The following CLEC11A variants were observed in gnomAD, a reference collection of about 807,000 sequenced individuals.
CLEC11A encodes C-type lectin domain containing 11A.
CLEC11A carries 35 observed loss-of-function variants against 33.9 expected under a neutral mutation model. The ratio of observed to expected loss-of-function variants is 1.03; its 90% CI spans 0.79 to 1.37. The LOEUF (loss-of-function observed/expected upper bound fraction) is 1.37. CLEC11A is among the 40% of genes most tolerant of loss of function. The pLI is 0.00. For synonymous variants in CLEC11A, 220 were observed against 202.2 expected (o/e 1.09, Z -0.75); for missense variants, 519 against 455.5 (o/e 1.14, Z -1.27).
chr19:50,725,664 G>A lies in CLEC11A; in HGVS notation c.*197G>A. Reference sequence around the variant, plus strand: ...GTTAGTGTCTTTCCTTGAAGGGGCGGGCACCAGGCTAGGTCCGGTGCCAAT... The same window carrying A: ...GTTAGTGTCTTTCCTTGAAGGGGCGAGCACCAGGCTAGGTCCGGTGCCAAT... On this transcript the variant is annotated 3_prime_UTR_variant, in exon 4 of 4. Coordinates refer to ENST00000250340, the MANE Select transcript of CLEC11A (RefSeq NM_002975.3). 2 of 1,009,620 alleles carry A rather than the reference G, an allele frequency of 2.0e-6. No homozygotes were observed. Among genetic ancestry groups the A allele is most frequent in the Non-Finnish European group, 2.8e-6 (2 of 713,514 alleles). The allele number at this position is 1,009,620 out of a possible 1,614,324, so 62.5% of individuals were successfully genotyped here.
At position 50,723,874 on chromosome 19, in the gene CLEC11A, G is replaced by C. The variant is rs1273393959; in HGVS notation, c.148-31G>C. ...GGTGAATGGGGCATCTTGGTGGCAGGCTGGGGCTCACCACCCCTCCCCTGC... is the reference window on the plus strand; with the variant it reads ...GGTGAATGGGGCATCTTGGTGGCAGCCTGGGGCTCACCACCCCTCCCCTGC... On this transcript the variant is annotated intron_variant, in intron 1 of 3. Coordinates refer to ENST00000250340, the MANE Select transcript of CLEC11A (RefSeq NM_002975.3). This position sits in a 1 kb window ranked among gnomAD's most constrained non-coding sequence, Gnocchi z 4.1. The C allele has an allele frequency of 6.3e-7, 1 of 1,592,848 alleles. No individual in the cohort carries two copies. Among genetic ancestry groups the C allele is most frequent in the African/African-American group, 1.4e-5 (1 of 73,944 alleles).
chr19:50,723,449 C>T lies in CLEC11A; in HGVS notation c.-77C>T, dbSNP rs1346337774. ...GACCTGCACACAGGGCAGGGGCACT[C>T]GGCAGTTCCCAGAGGCCACCCCTCC... On this transcript the variant is annotated 5_prime_UTR_variant, in exon 1 of 4. Coordinates refer to ENST00000250340, the MANE Select transcript of CLEC11A (RefSeq NM_002975.3). The surrounding 1 kb of genome is among the most constrained non-coding windows in gnomAD (Gnocchi z 4.1). 9 of 1,525,212 alleles carry T rather than the reference C, an allele frequency of 5.9e-6. No individual in the cohort carries two copies. In the East Asian group the frequency reaches 1.4e-4, roughly 23 times the overall value. The allele number at this position is 1,525,212 out of a possible 1,614,324, so 94.5% of individuals were successfully genotyped here.
At position 50,724,300 on chromosome 19, in the gene CLEC11A, C is replaced by T; in HGVS notation, c.335-110C>T. The T allele has an allele frequency of 8.5e-7, 1 of 1,170,170 alleles. No homozygotes were observed. The highest frequency in any genetic ancestry group is 1.2e-6 in the Non-Finnish European group (1 of 859,346). The allele number at this position is 1,170,170 out of a possible 1,614,324, so 72.5% of individuals were successfully genotyped here. A position where few individuals can be genotyped will look rare whatever the true frequency, so the allele number is the denominator to read the frequency against. On this transcript the variant is annotated intron_variant, in intron 2 of 3. Coordinates refer to ENST00000250340, the MANE Select transcript of CLEC11A (RefSeq NM_002975.3). This position sits in a 1 kb window ranked among gnomAD's most constrained non-coding sequence, Gnocchi z 4.1. ...ACCTTCCAGGAGTCCGGGGTGCCCC[C>T]CCCACCGCCACCCCGCCCTCAGGAG...
Position 50,724,607 on chromosome 19 carries a change from TC to T in CLEC11A, c.526+8del. The T allele has an allele frequency of 7.2e-7, 1 of 1,395,008 alleles. No individual in the cohort carries two copies. Among genetic ancestry groups the T allele is most frequent in the Non-Finnish European group, 9.3e-7 (1 of 1,078,590 alleles). 86.4% of individuals were successfully genotyped at this position (1,395,008 alleles called of 1,614,324 possible). ...CGAGCACGGCCGCTTGGAGGGTGAG[TC>T]CGCGGCGCGCGGGGTGGAAAAAAAT... On this transcript the variant is annotated splice_region_variant and intron_variant, in intron 3 of 3. Coordinates refer to ENST00000250340, the MANE Select transcript of CLEC11A (RefSeq NM_002975.3). The surrounding 1 kb of genome is among the most constrained non-coding windows in gnomAD (Gnocchi z 4.1).
In CLEC11A at chr19:50,725,205, C is replaced by T. The variant is rs2089176924; in HGVS notation, c.710C>T (p.Pro237Leu). ...LRAALAPYNWPVWLGVHDRRA... is the reference protein window; with the variant it reads ...LRAALAPYNWLVWLGVHDRRA... ...GCGGCGCTCGCTCCCTACAACTGGCCCGTGTGGCTGGGCGTGCACGATCGG... is the reference window on the plus strand; with the variant it reads ...GCGGCGCTCGCTCCCTACAACTGGCTCGTGTGGCTGGGCGTGCACGATCGG... The change falls in exon 4 of 4, where the codon CCC becomes CTC. Residue 237 changes from proline (P) to leucine (L), a missense_variant. Physicochemically the swap from Pro to Leu is moderately conservative, Grantham distance 98. Transcript: ENST00000250340. 3.1e-6 allele frequency: 5 copies of T among 1,593,746 alleles called. No homozygotes were observed. The South Asian group carries it at 3.4e-5, about 11-fold the overall frequency.
chr19:50,725,512 T>A lies in CLEC11A; in HGVS notation c.*45T>A. On this transcript the variant is annotated 3_prime_UTR_variant, in exon 4 of 4. Coordinates refer to ENST00000250340, the MANE Select transcript of CLEC11A (RefSeq NM_002975.3). ...CCCTGCCCATCCCACCACCCGGCCT[T>A]TCCCTGCGCCGTGCCCACCCTCCTC... 1 of 1,501,052 alleles carries A rather than the reference T, an allele frequency of 6.7e-7. No individual in the cohort carries two copies. Among genetic ancestry groups the A allele is most frequent in the African/African-American group, 1.4e-5 (1 of 71,848 alleles). 93.0% of individuals were successfully genotyped at this position (1,501,052 alleles called of 1,614,324 possible).
At position 50,724,893 on chromosome 19, in the gene CLEC11A, C is replaced by T; in HGVS notation, c.527-129C>T. The T allele has an allele frequency of 7.1e-7, 1 of 1,409,834 alleles. No homozygotes were observed. 87.3% of individuals were successfully genotyped at this position (1,409,834 alleles called of 1,614,324 possible). A position where few individuals can be genotyped will look rare whatever the true frequency, so the allele number is the denominator to read the frequency against. On this transcript the variant is annotated intron_variant, in intron 3 of 3. Transcript: ENST00000250340. The surrounding 1 kb of genome is among the most constrained non-coding windows in gnomAD (Gnocchi z 4.1). ...CTCCTGGCTCCCGCGGTTCTGACCACGCCTCCTCCCAGCCCTCCCCATGAG... is the reference window on the plus strand; with the variant it reads ...CTCCTGGCTCCCGCGGTTCTGACCATGCCTCCTCCCAGCCCTCCCCATGAG...
chr19:50,724,495 C>G lies in CLEC11A; in HGVS notation c.420C>G (p.Thr140=). Residue 140 remains threonine, a synonymous_variant, in exon 3 of 4, where the codon ACC becomes ACG. Transcript: ENST00000250340. The surrounding 1 kb of genome is among the most constrained non-coding windows in gnomAD (Gnocchi z 4.1). ...HALDTRVVEL[T]QGLRQLRNAA... is the part of the protein sequence containing the mutation. ...TGGACACCCGCGTGGTCGAGCTGAC[C>G]CAGGGGCTGCGGCAGCTGCGGAACG... 1 of 1,576,700 alleles carries G rather than the reference C, an allele frequency of 6.3e-7. No homozygotes were observed. The highest frequency in any genetic ancestry group is 8.6e-7 in the Non-Finnish European group (1 of 1,169,264).
At position 50,723,575 on chromosome 19, in the gene CLEC11A, G is replaced by C. The variant is rs1373641683; in HGVS notation, c.50G>C (p.Gly17Ala). ...LGALVVPQLL[G>A]FGHGARGAER... is the part of the protein sequence containing the mutation. The stretch of plus-strand genomic sequence containing the variant: ...GCTTTGGTGGTCCCCCAGCTCTTGG[G>C]CTTTGGCCATGGGGCTCGGGGAGCA... Residue 17 changes from glycine to alanine, a missense_variant, in exon 1 of 4, where the codon GGC becomes GCC. By Grantham distance (60) the Gly-to-Ala change is moderately conservative (BLOSUM62 0). Transcript: ENST00000250340. The surrounding 1 kb of genome is among the most constrained non-coding windows in gnomAD (Gnocchi z 4.1). 1.9e-6 allele frequency: 3 copies of C among 1,612,360 alleles called. No individual in the cohort carries two copies. The Admixed American group carries it at 5.0e-5, about 27-fold the overall frequency.
chr19:50,725,653 T>G lies in CLEC11A; in HGVS notation c.*186T>G. ...CACTCCTCCTTGTTAGTGTCTTTCC[T>G]TGAAGGGGCGGGCACCAGGCTAGGT... On this transcript the variant is annotated 3_prime_UTR_variant, in exon 4 of 4. Transcript: ENST00000250340. 9.0e-7 allele frequency: 1 copy of G among 1,113,240 alleles called. No homozygotes were observed. The highest frequency in any genetic ancestry group is 1.2e-6 in the Non-Finnish European group (1 of 807,542). The allele number at this position is 1,113,240 out of a possible 1,614,324, so 69.0% of individuals were successfully genotyped here.
Position 50,723,716 on chromosome 19 carries a change from G to T in CLEC11A, c.147+44G>T. On this transcript the variant is annotated intron_variant, in intron 1 of 3. Coordinates refer to ENST00000250340, the MANE Select transcript of CLEC11A (RefSeq NM_002975.3). This position sits in a 1 kb window ranked among gnomAD's most constrained non-coding sequence, Gnocchi z 4.1. ...GGGAGCTATGGGTGGTGAACTGTGG[G>T]TCTGGGAGGGGGTATTGCAAGGTTA... 1 of 1,539,120 alleles carries T rather than the reference G, an allele frequency of 6.5e-7. No homozygotes were observed.
In CLEC11A at chr19:50,724,972, G is replaced by A; in HGVS notation, c.527-50G>A. On this transcript the variant is annotated intron_variant, in intron 3 of 3. Coordinates refer to ENST00000250340, the MANE Select transcript of CLEC11A (RefSeq NM_002975.3). This position sits in a 1 kb window ranked among gnomAD's most constrained non-coding sequence, Gnocchi z 4.1. ...GATGTTTTGTCCTCGCCCCCTTCCA[G>A]ACTCTGAATGCATGACCCCGCCTCC... 1 of 1,417,868 alleles carries A rather than the reference G, an allele frequency of 7.1e-7. No homozygotes were observed. The highest frequency in any genetic ancestry group is 9.2e-7 in the Non-Finnish European group (1 of 1,088,124). The allele number at this position is 1,417,868 out of a possible 1,614,324, so 87.8% of individuals were successfully genotyped here. A position where few individuals can be genotyped will look rare whatever the true frequency, so the allele number is the denominator to read the frequency against.
Position 50,724,301 on chromosome 19 carries a change from C to T in CLEC11A, c.335-109C>T, listed in dbSNP as rs2089166121. On this transcript the variant is annotated intron_variant, in intron 2 of 3. Coordinates refer to ENST00000250340, the MANE Select transcript of CLEC11A (RefSeq NM_002975.3). The surrounding 1 kb of genome is among the most constrained non-coding windows in gnomAD (Gnocchi z 4.1). ...CCTTCCAGGAGTCCGGGGTGCCCCC[C>T]CCACCGCCACCCCGCCCTCAGGAGC... 2.6e-6 allele frequency: 3 copies of T among 1,165,100 alleles called. No homozygotes were observed. Among genetic ancestry groups the T allele is most frequent in the Non-Finnish European group, 2.3e-6 (2 of 855,140 alleles). 72.2% of individuals were successfully genotyped at this position (1,165,100 alleles called of 1,614,324 possible).
chr19:50,724,667 G>A lies in CLEC11A; in HGVS notation c.526+66G>A. On this transcript the variant is annotated intron_variant, in intron 3 of 3. Transcript: ENST00000250340. The surrounding 1 kb of genome is among the most constrained non-coding windows in gnomAD (Gnocchi z 4.1). ...CTGGGCCAGGAATGGGACTGGTTGA[G>A]AAGGTGACCCTAGGTGTCCGGGGCG... The A allele has an allele frequency of 7.4e-7, 1 of 1,350,924 alleles. No individual in the cohort carries two copies. Among genetic ancestry groups the A allele is most frequent in the Non-Finnish European group, 9.6e-7 (1 of 1,045,622 alleles). The allele number at this position is 1,350,924 out of a possible 1,614,324, so 83.7% of individuals were successfully genotyped here.
Position 50,724,295 on chromosome 19 carries a change from GC to G in CLEC11A, c.335-107del, listed in dbSNP as rs199841561. 3.8e-4 allele frequency: 428 copies of G among 1,130,562 alleles called. 1 individual carries two copies. In the East Asian group the frequency reaches 8.1e-3, roughly 22 times the overall value. The allele number at this position is 1,130,562 out of a possible 1,614,324, so 70.0% of individuals were successfully genotyped here. ...ACCCTACCTTCCAGGAGTCCGGGGT[GC>G]CCCCCCCACCGCCACCCCGCCCTCA... On this transcript the variant is annotated intron_variant, in intron 2 of 3. Coordinates refer to ENST00000250340, the MANE Select transcript of CLEC11A (RefSeq NM_002975.3). This position sits in a 1 kb window ranked among gnomAD's most constrained non-coding sequence, Gnocchi z 4.1.
Position 50,725,098 on chromosome 19 carries a change from G to A in CLEC11A, c.603G>A (p.Gln201=). 1 of 1,527,116 alleles carries A rather than the reference G, an allele frequency of 6.5e-7. No individual in the cohort carries two copies. The allele number at this position is 1,527,116 out of a possible 1,614,324, so 94.6% of individuals were successfully genotyped here. ...SRDFEAQAAA[Q]ARCTARGGSL... is the part of the protein sequence containing the mutation. ...ACTTCGAAGCTCAGGCGGCGGCGCA[G>A]GCGCGGTGCACGGCGCGGGGCGGGA... is the stretch of plus-strand genomic sequence containing the variant. Residue 201 remains glutamine, a synonymous_variant, in exon 4 of 4, where the codon CAG becomes CAA. Transcript: ENST00000250340.
Position 50,725,633 on chromosome 19 carries a change from C to T in CLEC11A, c.*166C>T. The stretch of plus-strand genomic sequence containing the variant: ...GAGGGCTCTTGCGGTGCCGGCACTC[C>T]TCCTTGTTAGTGTCTTTCCTTGAAG... On this transcript the variant is annotated 3_prime_UTR_variant, in exon 4 of 4. Transcript: ENST00000250340. 8.0e-7 allele frequency: 1 copy of T among 1,256,094 alleles called. No homozygotes were observed. The highest frequency in any genetic ancestry group is 1.1e-6 in the Non-Finnish European group (1 of 933,874). The allele number at this position is 1,256,094 out of a possible 1,614,324, so 77.8% of individuals were successfully genotyped here.
Position 50,723,682 on chromosome 19 carries a change from G to A in CLEC11A, c.147+10G>A. 6.4e-7 allele frequency: 1 copy of A among 1,567,370 alleles called. No homozygotes were observed. The highest frequency in any genetic ancestry group is 8.6e-7 in the Non-Finnish European group (1 of 1,158,866). ...GGCCCTGATGCTGAAGGTGAGCTCT[G>A]GAGTGTCAGGGAGCTATGGGTGGTG... is the stretch of plus-strand genomic sequence containing the variant. On this transcript the variant is annotated intron_variant, in intron 1 of 3. Transcript: ENST00000250340. The surrounding 1 kb of genome is among the most constrained non-coding windows in gnomAD (Gnocchi z 4.1).
Position 50,725,086 on chromosome 19 carries a change from G to T in CLEC11A, c.591G>T (p.Gln197His). 1 of 1,522,234 alleles carries T rather than the reference G, an allele frequency of 6.6e-7. No individual in the cohort carries two copies. The allele number at this position is 1,522,234 out of a possible 1,614,324, so 94.3% of individuals were successfully genotyped here. A position where few individuals can be genotyped will look rare whatever the true frequency, so the allele number is the denominator to read the frequency against. Residue 197 changes from glutamine (Q) to histidine (H), a missense_variant, in exon 4 of 4, where the codon CAG becomes CAT. Gln to His is a conservative substitution (Grantham distance 24, BLOSUM62 0). Coordinates refer to ENST00000250340, the MANE Select transcript of CLEC11A (RefSeq NM_002975.3). Reference sequence around the variant, plus strand: ...TGCTCTCGCGCGACTTCGAAGCTCAGGCGGCGGCGCAGGCGCGGTGCACGG... The same window carrying T: ...TGCTCTCGCGCGACTTCGAAGCTCATGCGGCGGCGCAGGCGCGGTGCACGG... ...CFLLSRDFEA[Q>H]AAAQARCTAR... is the part of the protein sequence containing the mutation.
Sources: allele counts gnomAD v4.1 joint callset, GRCh38; gene constraint gnomAD v4.1.1; non-coding constraint Gnocchi (gnomAD v3.1); transcripts MANE v1.5; gene names NCBI Gene and HGNC (gene_info 2026-07-23, HGNC 2026-07-21).